Variants in SCUBE3 observed in about 807,000 individuals in gnomAD.
SCUBE3 encodes the protein signal peptide, CUB and EGF-like domain-containing protein 3.
In SCUBE3, 33 loss-of-function variants were observed where a neutral mutation model predicts 116.8. The observed-to-expected ratio is 0.28, with a 90% CI of 0.21 to 0.38. The LOEUF is 0.38. SCUBE3 is among the 10% of genes least tolerant of loss of function. The pLI is 1.00. For missense variants in SCUBE3, 1,007 were observed against 1,324.8 expected, an observed-to-expected ratio of 0.76 and a Z score of 3.72; for synonymous variants, 418 against 496.9, an observed-to-expected ratio of 0.84 and a Z score of 2.11.
intron 1 of SCUBE3, among the ~76,000 whole-genome samples, chr6:35,216,493 T>C (rs1782899239): frequency 6.6e-6 from 1 of 152,228 alleles, no homozygotes; most frequent in Non-Finnish European, 1.5e-5. Flanking sequence ...TCAGGAAATC[T>C]ACAAACCCCA....
intron 21 of SCUBE3, 70 bp downstream of exon 21, chr6:35,246,355 A>ATAT (rs1288049249): frequency 3.3e-5 from 36 of 1,085,262 alleles, no homozygotes; most frequent in Non-Finnish European, 4.9e-5. Flanking sequence ...GCAATAGGCT[A>ATAT]AGTGCTTACA....
Position 35,241,733 on chromosome 6 carries a change from A to G in SCUBE3, c.1313-73A>G. On this transcript the variant is annotated intron_variant, in intron 11 of 21. Coordinates refer to ENST00000274938, the MANE Select transcript of SCUBE3 (RefSeq NM_152753.4). The surrounding 1 kb of genome is among the most constrained non-coding windows in gnomAD (Gnocchi z 4.1). ...GACTGGCCGTTCAGGCAGCTCCTTCATTCCCCCTGGATTCCTCCAGCCAGC... is the reference window on the plus strand; with the variant it reads ...GACTGGCCGTTCAGGCAGCTCCTTCGTTCCCCCTGGATTCCTCCAGCCAGC... The G allele has an allele frequency of 6.6e-7, 1 of 1,503,824 alleles. No homozygotes were observed. Among genetic ancestry groups the G allele is most frequent in the Non-Finnish European group, 9.3e-7 (1 of 1,079,438 alleles). The allele number at this position is 1,503,824 out of a possible 1,614,324, so 93.2% of individuals were successfully genotyped here. A position where few individuals can be genotyped will look rare whatever the true frequency, so the allele number is the denominator to read the frequency against.
chr6:35,230,217 G>A (rs1314160878), intron 3 of SCUBE3, among the ~76,000 whole-genome samples: 2 of 152,310 alleles, frequency 1.3e-5, no homozygotes, highest in South Asian at 2.1e-4. Flanking sequence ...GGAAGCTGTG[G>A]CACTTAGACC....
rs1784576131 is a variant in SCUBE3 at position 35,252,133 on chromosome 6, C to G, written c.*3428C>G. 1 of 152,282 alleles carries G rather than the reference C, an allele frequency of 6.6e-6. No homozygotes were observed. The highest frequency in any genetic ancestry group is 2.4e-5 in the African/African-American group (1 of 41,452). 9.4% of individuals were successfully genotyped at this position (152,282 alleles called of 1,614,324 possible). ...TTATATCCTCAGCAACATGGCAGTTCCTCTTTACTTCTCTGCCTCCCTCTT... is the reference window on the plus strand; with the variant it reads ...TTATATCCTCAGCAACATGGCAGTTGCTCTTTACTTCTCTGCCTCCCTCTT... On this transcript the variant is annotated 3_prime_UTR_variant, in exon 22 of 22. Transcript: ENST00000274938.
rs1300473334 is a variant in SCUBE3 at position 35,232,152 on chromosome 6, T to C, written c.469+293T>C. Among the ~76,000 whole-genome samples, 1 of 152,164 alleles carries C rather than the reference T, an allele frequency of 6.6e-6. No homozygotes were observed. The highest frequency in any genetic ancestry group is 2.4e-5 in the African/African-American group (1 of 41,422). ...GTCCCTAATTGTAGATGGCTGAGCT[T>C]CTCTAAGCTGCTGCCTATCTGAGAG... is the stretch of plus-strand genomic sequence containing the variant. On this transcript the variant is annotated intron_variant, in intron 4 of 21. Coordinates refer to ENST00000274938, the MANE Select transcript of SCUBE3 (RefSeq NM_152753.4). This position sits in a 1 kb window ranked among gnomAD's most constrained non-coding sequence, Gnocchi z 4.2.
intron 1 of SCUBE3, among the ~76,000 whole-genome samples, chr6:35,226,750 T>C (rs1253701842): frequency 1.3e-5 from 2 of 152,170 alleles, no homozygotes; most frequent in Non-Finnish European, 2.9e-5. Flanking sequence ...AGTGCTGGGA[T>C]TACAGGCATG....
In SCUBE3 at chr6:35,242,675, T is replaced by G. The variant is rs1213195213; in HGVS notation, c.1588T>G (p.Ser530Ala). 2 of 1,613,864 alleles carry G rather than the reference T, an allele frequency of 1.2e-6. No individual in the cohort carries two copies. Among genetic ancestry groups the G allele is most frequent in the African/African-American group, 2.7e-5 (2 of 74,866 alleles). ...QVTFIHLKCD[S>A]SRKGKGRRAR... The stretch of plus-strand genomic sequence containing the variant: ...CACCTTCATCCACCTTAAGTGTGAC[T>G]CCTCTCGGAAGGGCAAGGGCCGACG... The change falls in exon 14 of 22, where the codon TCC becomes GCC. Residue 530 changes from serine to alanine, a missense_variant. By Grantham distance (99) the Ser-to-Ala change is moderately conservative. Transcript: ENST00000274938.
At position 35,250,520 on chromosome 6, in the gene SCUBE3, A is replaced by T. The variant is rs533127583; in HGVS notation, c.*1815A>T. 1 of 152,334 alleles carries T rather than the reference A, an allele frequency of 6.6e-6. No homozygotes were observed. Among genetic ancestry groups the T allele is most frequent in the Admixed American group, 6.5e-5 (1 of 15,310 alleles). The allele number at this position is 152,334 out of a possible 1,614,324, so 9.4% of individuals were successfully genotyped here. ...GACTTCAAGCTTAGCTTCCTCAACT[A>T]CTGTTTTTCAGAAGGAAGAAAGAAT... is the stretch of plus-strand genomic sequence containing the variant. On this transcript the variant is annotated 3_prime_UTR_variant, in exon 22 of 22. Transcript: ENST00000274938.
At chr6:35,247,623 C>T (rs1462383542) in intron 21 of SCUBE3, among the ~76,000 whole-genome samples, 1 of 152,190 alleles carries the variant, frequency 6.6e-6, no homozygotes, top group African/African-American at 2.4e-5. Context: ...ACTTTTCAAA[C>T]ATTTTTAAAG....
intron 3 of SCUBE3, among the ~76,000 whole-genome samples, chr6:35,230,796 C>T (rs531676514): frequency 6.6e-6 from 1 of 152,306 alleles, no homozygotes; most frequent in Non-Finnish European, 1.5e-5. Context: ...AAGAGAGGGG[C>T]AGATGAAGCC....
intron 3 of SCUBE3, among the ~76,000 whole-genome samples, chr6:35,229,343 G>A (rs889989434): frequency 2.0e-5 from 3 of 152,286 alleles, no homozygotes; most frequent in African/African-American, 4.8e-5. Flanking sequence ...CTAGGAAGTC[G>A]AGGCTGCAGT....
intron 21 of SCUBE3, among the ~76,000 whole-genome samples, chr6:35,248,209 T>C (rs1465567297): frequency 1.3e-5 from 2 of 152,172 alleles, no homozygotes; most frequent in Non-Finnish European, 2.9e-5. Context: ...GCTACTACAG[T>C]ACTCCAAGTC....
At chr6:35,230,185 CTT>C (rs1783485753) in intron 3 of SCUBE3, among the ~76,000 whole-genome samples, 1 of 152,182 alleles carries the variant, frequency 6.6e-6, no homozygotes, top group African/African-American at 2.4e-5. Flanking sequence ...TTGAGGGCCT[CTT>C]ATGAAACTCC....
intron 1 of SCUBE3, among the ~76,000 whole-genome samples, chr6:35,227,014 T>C (rs1391411519): frequency 6.6e-6 from 1 of 152,138 alleles, no homozygotes; most frequent in Non-Finnish European, 1.5e-5. Context: ...AGGAAAATCA[T>C]CCAGGATGGA....
In SCUBE3 at chr6:35,249,038, GA is replaced by G; in HGVS notation, c.*335del. ...TCACATTCCCGACCCCATCAGCTTG[GA>G]AGGGTGCTAGAGGCCCATCAAGGAA... On this transcript the variant is annotated 3_prime_UTR_variant, in exon 22 of 22. Coordinates refer to ENST00000274938, the MANE Select transcript of SCUBE3 (RefSeq NM_152753.4). The G allele has an allele frequency of 4.3e-6, 1 of 232,436 alleles. No individual in the cohort carries two copies. Among genetic ancestry groups the G allele is most frequent in the Non-Finnish European group, 8.4e-6 (1 of 119,092 alleles). 14.4% of individuals were successfully genotyped at this position (232,436 alleles called of 1,614,324 possible).
Position 35,231,863 on chromosome 6 carries a change from A to C in SCUBE3, c.469+4A>C. The C allele has an allele frequency of 6.2e-7, 1 of 1,607,224 alleles. No individual in the cohort carries two copies. The highest frequency in any genetic ancestry group is 8.5e-7 in the Non-Finnish European group (1 of 1,174,852). Reference sequence around the variant, plus strand: ...ACCTGTATCCAGCGGCCAGAAGGTCAGCCCATGACCTGGGATGGCCCCATC... The same window carrying C: ...ACCTGTATCCAGCGGCCAGAAGGTCCGCCCATGACCTGGGATGGCCCCATC... On this transcript the variant is annotated splice_donor_region_variant and intron_variant, in intron 4 of 21. Transcript: ENST00000274938. This position sits in a 1 kb window ranked among gnomAD's most constrained non-coding sequence, Gnocchi z 4.2.
At chr6:35,217,976 T>G (rs1782992047) in intron 1 of SCUBE3, among the ~76,000 whole-genome samples, 1 of 152,192 alleles carries the variant, frequency 6.6e-6, no homozygotes, top group Non-Finnish European at 1.5e-5. Context: ...TTTCCCTGTT[T>G]TCAACCCCTT....
chr6:35,243,115 C>T lies in SCUBE3; in HGVS notation c.1788C>T (p.Phe596=). ...GAAAGTCCATCAACCAGGACCGCTT[C>T]CTGCTGCGCCTGGCAGGCCTTGATT... ...MLRKSINQDR[F]LLRLAGLDYE... Residue 596 remains phenylalanine (F), a synonymous_variant, in exon 15 of 22, where the codon TTC becomes TTT. Transcript: ENST00000274938. The surrounding 1 kb of genome is among the most constrained non-coding windows in gnomAD (Gnocchi z 6.6). 1 of 1,614,200 alleles carries T rather than the reference C, an allele frequency of 6.2e-7. No homozygotes were observed. Among genetic ancestry groups the T allele is most frequent in the Non-Finnish European group, 8.5e-7 (1 of 1,180,008 alleles).
chr6:35,240,014 C>T lies in SCUBE3; in HGVS notation c.952+140C>T. ...GAGGCAGTGTCATCCTGCAAATTAGCAAATGGTACTCTTTCCCCTCAGCGG... is the reference window on the plus strand; with the variant it reads ...GAGGCAGTGTCATCCTGCAAATTAGTAAATGGTACTCTTTCCCCTCAGCGG... On this transcript the variant is annotated intron_variant, in intron 8 of 21. Transcript: ENST00000274938. This position sits in a 1 kb window ranked among gnomAD's most constrained non-coding sequence, Gnocchi z 4.6. 1.4e-6 allele frequency: 1 copy of T among 702,994 alleles called. No individual in the cohort carries two copies. The highest frequency in any genetic ancestry group is 2.2e-6 in the Non-Finnish European group (1 of 447,004). 43.5% of individuals were successfully genotyped at this position (702,994 alleles called of 1,614,324 possible).
Sources: gnomAD v4.1 joint callset for allele counts (sites outside exome capture counted in the v4.1 genomes callset) on GRCh38, gnomAD v4.1.1 for gene constraint, Gnocchi (gnomAD v3.1) non-coding constraint, MANE v1.5 for transcripts, NCBI Gene and HGNC (gene_info 2026-07-23, HGNC 2026-07-21) for gene names.